Variants in ZMAT3 observed in about 807,000 individuals in gnomAD.
The protein encoded by ZMAT3 is zinc finger matrin-type protein 3.
In ZMAT3, 17 loss-of-function variants were observed where a neutral mutation model predicts 32.3. That is an observed-to-expected ratio of 0.53 (90% confidence interval 0.36 to 0.79). The LOEUF (loss-of-function observed/expected upper bound fraction) is 0.79, where lower values mean the gene tolerates loss of function less well. Ranked by LOEUF, ZMAT3 falls within the 30% of genes least tolerant of loss-of-function variation. The pLI, the probability that ZMAT3 is intolerant of heterozygous loss-of-function variation, is 0.00. For missense variants in ZMAT3, 329 were observed against 359.7 expected (o/e 0.91, Z 0.69); for synonymous variants, 120 against 133.1 (o/e 0.90, Z 0.68).
In ZMAT3 at chr3:179,032,075, G is replaced by A. The variant is rs1286441756; in HGVS notation, c.271-1076C>T. Among the ~76,000 whole-genome samples the A allele has an allele frequency of 1.5e-3, 165 of 109,750 alleles. 6 individuals carry two copies. Among genetic ancestry groups the A allele is most frequent in the Admixed American group, 0.012 (132 of 10,964 alleles). 72.0% of individuals were successfully genotyped at this position (109,750 alleles called of 152,430 possible). ...CTGATCCGAGGCTGGACTGCTTGCC[G>A]CCATCTCGGCTCACTGCAACCTCCC... On this transcript the variant is annotated intron_variant, in intron 2 of 5. Coordinates refer to ENST00000311417, the MANE Select transcript of ZMAT3 (RefSeq NM_022470.4).
At chr3:179,053,204 AAT>A (rs1262184315) in intron 2 of ZMAT3, among the ~76,000 whole-genome samples, 1 of 150,656 alleles carries the variant, frequency 6.6e-6, no homozygotes, top group Non-Finnish European at 1.5e-5. Context: ...ATAGATATAA[AAT>A]ATATCTAGAT....
At chr3:179,069,302 C>T (rs1265701601) in intron 1 of ZMAT3, among the ~76,000 whole-genome samples, 2 of 152,054 alleles carry the variant, frequency 1.3e-5, no homozygotes, top group Non-Finnish European at 2.9e-5. Flanking sequence ...AAATGTTCCT[C>T]TCCCTCTTCA....
In ZMAT3 at chr3:179,071,083, A is replaced by G. The variant is rs183416359; in HGVS notation, c.-58+512T>C. Among the ~76,000 whole-genome samples, 823 of 152,284 alleles carry G rather than the reference A, an allele frequency of 5.4e-3. 10 individuals are homozygous for G. Among genetic ancestry groups the G allele is most frequent in the African/African-American group, 0.019 (794 of 41,564 alleles). On this transcript the variant is annotated intron_variant, in intron 1 of 5. Coordinates refer to ENST00000311417, the MANE Select transcript of ZMAT3 (RefSeq NM_022470.4). ...AAGGAATGAGAGGGAGAAAAGTTAA[A>G]AAAAATAATAATAATAATCACTTGA...
chr3:179,068,812 A>AT (rs974788590), intron 1 of ZMAT3, among the ~76,000 whole-genome samples: 4 of 152,314 alleles, frequency 2.6e-5, no homozygotes, highest in Admixed American at 2.0e-4. Flanking sequence ...TTTTGTTTTC[A>AT]TTTTTTTAAG....
chr3:179,059,551 C>A (rs1163841196), intron 2 of ZMAT3, among the ~76,000 whole-genome samples: 2 of 152,198 alleles, frequency 1.3e-5, no homozygotes, highest in African/African-American at 4.8e-5. Flanking sequence ...GTATCTTTAA[C>A]CTCCTTGTTA....
chr3:179,066,636 C>G (rs1397500922), intron 2 of ZMAT3, among the ~76,000 whole-genome samples: 4 of 152,174 alleles, frequency 2.6e-5, no homozygotes, highest in African/African-American at 9.7e-5. Flanking sequence ...ACATCATTCA[C>G]TGGGTTTTGT....
intron 2 of ZMAT3, among the ~76,000 whole-genome samples, chr3:179,061,297 A>G (rs1721140717): frequency 6.6e-6 from 1 of 152,172 alleles, no homozygotes; most frequent in Non-Finnish European, 1.5e-5. Context: ...TACAATAAAT[A>G]GTGGGGTTGA....
chr3:179,055,269 T>A (rs1204271398), intron 2 of ZMAT3, among the ~76,000 whole-genome samples: 1 of 152,160 alleles, frequency 6.6e-6, no homozygotes, highest in Non-Finnish European at 1.5e-5. Context: ...AATATCCTCT[T>A]CAAGGGAGAG....
intron 2 of ZMAT3, among the ~76,000 whole-genome samples, chr3:179,047,432 C>T (rs1720300469): frequency 6.6e-6 from 1 of 152,208 alleles, no homozygotes; most frequent in Non-Finnish European, 1.5e-5. Flanking sequence ...ATTCTTGTGA[C>T]ATGACAAAAC....
chr3:179,060,903 G>A (rs1247944465), intron 2 of ZMAT3, among the ~76,000 whole-genome samples: 2 of 152,030 alleles, frequency 1.3e-5, no homozygotes, highest in Non-Finnish European at 2.9e-5. Flanking sequence ...AGCAACATTA[G>A]ATAAAAACAG....
intron 2 of ZMAT3, among the ~76,000 whole-genome samples, chr3:179,044,264 C>A (rs1486955550): frequency 5.9e-5 from 9 of 152,184 alleles, no homozygotes; most frequent in Admixed American, 3.3e-4. Context: ...TATAAAGACA[C>A]ATGCACACGT....
rs187872612 is a variant in ZMAT3 at position 179,051,977 on chromosome 3, G to A, written c.270+15506C>T. ...TGCTGAGATAATTGGCAAGTCGCAC[G>A]TAGAATAACGAAACTGGATCCTCAT... On this transcript the variant is annotated intron_variant, in intron 2 of 5. Coordinates refer to ENST00000311417, the MANE Select transcript of ZMAT3 (RefSeq NM_022470.4). Among the ~76,000 whole-genome samples the A allele has an allele frequency of 3.4e-3, 519 of 152,240 alleles. 5 individuals carry two copies. The highest frequency in any genetic ancestry group is 0.01 in the Middle Eastern group (3 of 294).
At chr3:179,065,823 T>C (rs1721385676) in intron 2 of ZMAT3, among the ~76,000 whole-genome samples, 1 of 152,104 alleles carries the variant, frequency 6.6e-6, no homozygotes. Flanking sequence ...TGAGAATCGC[T>C]TGAACCCCGG....
chr3:179,037,414 C>T (rs1372137118), intron 2 of ZMAT3, among the ~76,000 whole-genome samples: 3 of 152,216 alleles, frequency 2.0e-5, no homozygotes, highest in Admixed American at 2.0e-4. Flanking sequence ...GACAACGACA[C>T]CCAATGCAGA....
chr3:179,059,737 C>A (rs1721054047), intron 2 of ZMAT3, among the ~76,000 whole-genome samples: 1 of 152,122 alleles, frequency 6.6e-6, no homozygotes. Context: ...CTGCACAACC[C>A]CTACTATGCC....
chr3:179,037,040 C>T (rs1719631460), intron 2 of ZMAT3, among the ~76,000 whole-genome samples: 1 of 152,190 alleles, frequency 6.6e-6, no homozygotes, highest in African/African-American at 2.4e-5. Flanking sequence ...GGGCTAATCA[C>T]TCTTGGGCCC....
chr3:179,035,056 C>G (rs1284377388), intron 2 of ZMAT3, among the ~76,000 whole-genome samples: 5 of 152,208 alleles, frequency 3.3e-5, no homozygotes, highest in Admixed American at 2.0e-4. Flanking sequence ...TAATTCTTGA[C>G]ATGAATCAGT....
At chr3:179,066,359 A>T (rs1191482001) in intron 2 of ZMAT3, among the ~76,000 whole-genome samples, 1 of 152,236 alleles carries the variant, frequency 6.6e-6, no homozygotes, top group Non-Finnish European at 1.5e-5. Flanking sequence ...AACTTAAAGG[A>T]GGCAACATAT....
chr3:179,059,229 C>A lies in ZMAT3; in HGVS notation c.270+8254G>T, dbSNP rs543741852. Among the ~76,000 whole-genome samples the A allele has an allele frequency of 1.8e-4, 28 of 152,230 alleles. No individual in the cohort carries two copies. The South Asian group carries it at 5.2e-3, about 28-fold the overall frequency. ...AGAAGGACCCCTAGTATGGGGTAAT[C>A]CCCTCCAGGAAACCAAGCCCCAGTA... On this transcript the variant is annotated intron_variant, in intron 2 of 5. Transcript: ENST00000311417.
Sources: gnomAD v4.1 joint callset for allele counts (sites outside exome capture counted in the v4.1 genomes callset) on GRCh38, gnomAD v4.1.1 for gene constraint, MANE v1.5 for transcripts, NCBI Gene and HGNC (gene_info 2026-07-23, HGNC 2026-07-21) for gene names.